The following ROBO2 variants were observed in gnomAD, a reference collection of about 807,000 sequenced individuals.
ROBO2 encodes roundabout guidance receptor 2, also known as roundabout homolog 2.
A neutral mutation model predicts 160.8 loss-of-function variants in ROBO2; 53 were observed. The observed-to-expected ratio is 0.33, with a 90% CI of 0.26 to 0.41. The LOEUF is 0.41. Among genes scored for constraint, ROBO2 ranks in the 10% least tolerant of loss-of-function variants. The pLI, the probability that ROBO2 is intolerant of heterozygous loss-of-function variation, is 1.00. For missense variants in ROBO2, 1,577 were observed against 1,722.4 expected, an observed-to-expected ratio of 0.92 and a Z score of 1.49; for synonymous variants, 664 against 611.7, an observed-to-expected ratio of 1.09 and a Z score of -1.26.
At chr3:77,463,620 G>A (rs1346648913) in intron 2 of ROBO2, among the ~76,000 whole-genome samples, 2 of 151,770 alleles carry the variant, frequency 1.3e-5, no homozygotes, top group East Asian at 3.9e-4. Context: ...TCACTCTGTT[G>A]CCCAGACTGG....
chr3:76,559,661 C>G (rs1256720684), intron 2 of ROBO2, among the ~76,000 whole-genome samples: 1 of 152,008 alleles, frequency 6.6e-6, no homozygotes, highest in Admixed American at 6.6e-5. Flanking sequence ...GTAATTCCTC[C>G]TATTCGAGGC....
chr3:76,027,908 G>C (rs1230526382), intron 2 of ROBO2, among the ~76,000 whole-genome samples: 1 of 151,850 alleles, frequency 6.6e-6, no homozygotes, highest in African/African-American at 2.4e-5. Flanking sequence ...GACAGATGAG[G>C]GTAGGATACT....
chr3:77,071,984 C>T (rs1203755822), intron 1 of ROBO2, among the ~76,000 whole-genome samples: 1 of 152,132 alleles, frequency 6.6e-6, no homozygotes, highest in African/African-American at 2.4e-5. Context: ...GGAACTGGGC[C>T]ACACAGCAGG....
intron 2 of ROBO2, among the ~76,000 whole-genome samples, chr3:76,599,409 C>A (rs1461527461): frequency 3.3e-5 from 5 of 152,096 alleles, no homozygotes; most frequent in African/African-American, 1.2e-4. Context: ...TAATCTTGTT[C>A]TTTTTTATGG....
chr3:76,727,873 G>A (rs1376210484), intron 2 of ROBO2, among the ~76,000 whole-genome samples: 1 of 151,950 alleles, frequency 6.6e-6, no homozygotes, highest in Non-Finnish European at 1.5e-5. Context: ...ACAATGTATG[G>A]TATATTTCAA....
chr3:77,332,043 A>T (rs2153443028), intron 2 of ROBO2, among the ~76,000 whole-genome samples: 1 of 152,290 alleles, frequency 6.6e-6, no homozygotes, highest in South Asian at 2.1e-4. Flanking sequence ...TGGTAGTGTT[A>T]TAACTGTTGA....
chr3:76,583,468 AGT>A (rs144741974), intron 2 of ROBO2, among the ~76,000 whole-genome samples: 1 of 152,320 alleles, frequency 6.6e-6, no homozygotes, highest in African/African-American at 2.4e-5. Flanking sequence ...TACCAAATAC[AGT>A]GGCTACTTCT....
rs888529612 is a variant in ROBO2, at chr3:76,652,643, C to T, written c.110-445371C>T. ...ATCTTTAAGTCTTTATACTTCATGA[C>T]TTTTTGCTTTTTGTAATCCAACTTT... On this transcript the variant is annotated intron_variant, in intron 2 of 26. Transcript: ENST00000487694. 8.2e-4 allele frequency among the ~76,000 whole-genome samples: 125 copies of T among 152,116 alleles called. 3 individuals are homozygous for T. The highest frequency in any genetic ancestry group is 2.9e-3 in the African/African-American group (120 of 41,510).
intron 2 of ROBO2, among the ~76,000 whole-genome samples, chr3:77,252,007 A>G (rs1047340594): frequency 1.7e-4 from 26 of 152,150 alleles, no homozygotes; most frequent in African/African-American, 6.3e-4. Flanking sequence ...TTTGCTTCCA[A>G]TTATAAATTT....
At chr3:75,954,002 T>C (rs1347563359) in intron 2 of ROBO2, among the ~76,000 whole-genome samples, 3 of 151,844 alleles carry the variant, frequency 2.0e-5, no homozygotes, top group African/African-American at 7.2e-5. Context: ...TCCAGTATGG[T>C]CATTCCAATT....
At chr3:77,395,498 A>AT (rs2075185488) in intron 2 of ROBO2, among the ~76,000 whole-genome samples, 1 of 152,134 alleles carries the variant, frequency 6.6e-6, no homozygotes, top group Non-Finnish European at 1.5e-5. Flanking sequence ...CTTTGCTTGT[A>AT]TTTTATTGAT....
intron 2 of ROBO2, among the ~76,000 whole-genome samples, chr3:76,350,764 A>T (rs1001449310): frequency 6.6e-6 from 1 of 151,958 alleles, no homozygotes; most frequent in Non-Finnish European, 1.5e-5. Flanking sequence ...ATCAGTAAAG[A>T]CTTACATGAA....
At chr3:75,973,790 G>T (rs2065058864) in intron 2 of ROBO2, among the ~76,000 whole-genome samples, 1 of 151,604 alleles carries the variant, frequency 6.6e-6, no homozygotes, top group African/African-American at 2.4e-5. Flanking sequence ...TTTAGATGGA[G>T]TGGCTTCCGA....
chr3:76,454,516 C>A (rs1450229102), intron 2 of ROBO2, among the ~76,000 whole-genome samples: 2 of 152,048 alleles, frequency 1.3e-5, no homozygotes, highest in African/African-American at 2.4e-5. Flanking sequence ...GTGGTTAGAA[C>A]GTTGGGGTAA....
At chr3:76,221,107 G>A (rs974166322) in intron 2 of ROBO2, among the ~76,000 whole-genome samples, 3 of 152,186 alleles carry the variant, frequency 2.0e-5, no homozygotes, top group Admixed American at 1.3e-4. Flanking sequence ...AATTTCCCCA[G>A]GTAGTCTGAA....
At chr3:76,672,027 G>A (rs966512238) in intron 2 of ROBO2, among the ~76,000 whole-genome samples, 1 of 151,982 alleles carries the variant, frequency 6.6e-6, no homozygotes, top group African/African-American at 2.4e-5. Flanking sequence ...TATAATTTGT[G>A]ATTAAGATGG....
intron 2 of ROBO2, among the ~76,000 whole-genome samples, chr3:76,333,011 C>T (rs920841604): frequency 6.6e-6 from 1 of 152,130 alleles, no homozygotes; most frequent in Non-Finnish European, 1.5e-5. Context: ...GGGGTGACAC[C>T]CAAGAATTTG....
At chr3:76,834,189 CTT>C (rs1491221599) in intron 2 of ROBO2, among the ~76,000 whole-genome samples, 8 of 136,554 alleles carry the variant, frequency 5.9e-5, no homozygotes, top group African/African-American at 8.3e-5. Flanking sequence ...CTCTCTCTCT[CTT>C]TCTTTCTTTC....
chr3:77,123,028 A>G (rs2074935679), intron 2 of ROBO2, among the ~76,000 whole-genome samples: 3 of 152,126 alleles, frequency 2.0e-5, no homozygotes, highest in Admixed American at 2.0e-4. Context: ...AGAAGAATGG[A>G]GAGGAATCAG....
Sources: gnomAD v4.1 joint callset for allele counts (sites outside exome capture counted in the v4.1 genomes callset) on GRCh38, gnomAD v4.1.1 for gene constraint, MANE v1.5 for transcripts, NCBI Gene and HGNC (gene_info 2026-07-23, HGNC 2026-07-21) for gene names.